The following NCEH1 variants were observed in gnomAD, a reference collection of about 807,000 sequenced individuals.
NCEH1 encodes 2-acetyl MAGE hydrolase.
In NCEH1, 9 loss-of-function variants were observed where a neutral mutation model predicts 25.4. That is an observed-to-expected ratio of 0.35 (90% CI 0.21 to 0.62). The LOEUF (loss-of-function observed/expected upper bound fraction) is 0.62, where lower values mean the gene tolerates loss of function less well. Among genes scored for constraint, NCEH1 ranks in the 20% least tolerant of loss-of-function variants. The probability of loss-of-function intolerance (pLI) is 0.72; values close to 1 mark genes in which losing one functional copy is unlikely to be tolerated. For synonymous variants in NCEH1, 200 were observed against 199.8 expected (o/e 1.00, Z -0.01); for missense variants, 412 against 501.1 (o/e 0.82, Z 1.70).
At chr3:172,669,277 G>GA (rs1718373914) in intron 1 of NCEH1, among the ~76,000 whole-genome samples, 2 of 152,138 alleles carry the variant, frequency 1.3e-5, no homozygotes, top group South Asian at 2.1e-4. Flanking sequence ...GGAAGCAGTG[G>GA]AAAAAAATTA....
rs535839277 is a variant in NCEH1, at chr3:172,674,437, T to C, written c.139-26323A>G. On this transcript the variant is annotated intron_variant, in intron 1 of 4. Transcript: ENST00000475381. ...CAGCCTCGGCGACTGGGAGAGACTC[T>C]GTCTCCAAAAAAAAAAAAAAAAAAA... Among the ~76,000 whole-genome samples, 153 of 131,078 alleles carry C rather than the reference T, an allele frequency of 1.2e-3. 3 individuals are homozygous for C. The South Asian group carries it at 0.036, about 31-fold the overall frequency. The allele number at this position is 131,078 out of a possible 152,430, so 86.0% of individuals were successfully genotyped here. A position where few individuals can be genotyped will look rare whatever the true frequency, so the allele number is the denominator to read the frequency against.
chr3:172,659,998 T>A (rs1652622982), intron 1 of NCEH1, among the ~76,000 whole-genome samples: 1 of 151,938 alleles, frequency 6.6e-6, no homozygotes, highest in Non-Finnish European at 1.5e-5. Context: ...TTTTTTTTTT[T>A]ATACTTTAAG....
At chr3:172,698,911 A>G (rs1190528033) in intron 1 of NCEH1, among the ~76,000 whole-genome samples, 1 of 152,240 alleles carries the variant, frequency 6.6e-6, no homozygotes, top group African/African-American at 2.4e-5. Flanking sequence ...AGAACCATGA[A>G]TTCCTAATTT....
At chr3:172,703,274 CAGCACTTTAGA>C (rs1340097976) in intron 1 of NCEH1, 2 of 152,152 alleles carry the variant, frequency 1.3e-5, no homozygotes, top group East Asian at 3.9e-4. Context: ...CCTGTAATCC[CAGCACTTTAGA>C]AGGCCAAGGC....
chr3:172,708,899 A>T lies in NCEH1; in HGVS notation c.138+1948T>A, dbSNP rs528552034. ...CCTATTTTACAGGGAAAACTCAGGAAGATTTGAGGTGACACTGGAAAATTG... is the reference window on the plus strand; with the variant it reads ...CCTATTTTACAGGGAAAACTCAGGATGATTTGAGGTGACACTGGAAAATTG... On this transcript the variant is annotated intron_variant, in intron 1 of 4. Coordinates refer to ENST00000475381, the MANE Select transcript of NCEH1 (RefSeq NM_020792.6). 2.0e-4 allele frequency among the ~76,000 whole-genome samples: 31 copies of T among 152,312 alleles called. No individual in the cohort carries two copies. In the South Asian group the frequency reaches 6.2e-3, roughly 31 times the overall value.
chr3:172,645,378 A>C (rs1213948280), intron 3 of NCEH1, among the ~76,000 whole-genome samples: 1 of 152,162 alleles, frequency 6.6e-6, no homozygotes, highest in Non-Finnish European at 1.5e-5. Context: ...TTTTTAGTTA[A>C]TCCTTTTTTC....
intron 3 of NCEH1, among the ~76,000 whole-genome samples, chr3:172,642,153 A>T (rs1241022627): frequency 1.3e-5 from 2 of 151,952 alleles, no homozygotes; most frequent in Non-Finnish European, 2.9e-5. Context: ...CCCGCTCTGA[A>T]CTGCTTTTTT....
At chr3:172,695,859 G>C (rs866161118) in intron 1 of NCEH1, among the ~76,000 whole-genome samples, 1 of 151,934 alleles carries the variant, frequency 6.6e-6, no homozygotes, top group African/African-American at 2.4e-5. Flanking sequence ...CAGGAGAATC[G>C]CTTGAACCTA....
chr3:172,663,392 A>G (rs1176000928), intron 1 of NCEH1, among the ~76,000 whole-genome samples: 4 of 152,166 alleles, frequency 2.6e-5, no homozygotes, highest in Non-Finnish European at 2.9e-5. Context: ...CATGTGGTCA[A>G]TTTTGGAATG....
At chr3:172,695,896 A>G (rs962673866) in intron 1 of NCEH1, among the ~76,000 whole-genome samples, 4 of 152,114 alleles carry the variant, frequency 2.6e-5, no homozygotes, top group Admixed American at 1.3e-4. Context: ...ATGAGCTGAG[A>G]TGGCACCACT....
At position 172,633,848 on chromosome 3, in the gene NCEH1, C is replaced by A; in HGVS notation, c.854G>T (p.Arg285Leu). 6.2e-7 allele frequency: 1 copy of A among 1,614,160 alleles called. No individual in the cohort carries two copies. The highest frequency in any genetic ancestry group is 1.3e-5 in the African/African-American group (1 of 75,040). The change falls in exon 5 of 5, where the codon CGT becomes CTT. Residue 285 changes from arginine (R) to leucine (L), a missense_variant. Arg to Leu is a moderately radical substitution (Grantham distance 102, BLOSUM62 -2). Coordinates refer to ENST00000475381, the MANE Select transcript of NCEH1 (RefSeq NM_020792.6). Reference protein sequence around the residue: ...DVEEAAAVRARLNWTSLLPAS... With the variant: ...DVEEAAAVRALLNWTSLLPAS... ...AGGCAAGAGGGATGTCCAGTTTAGA[C>A]GGGCCCTGACAGCAGCAGCCTCTTC...
At chr3:172,693,102 C>T (rs1326321529) in intron 1 of NCEH1, among the ~76,000 whole-genome samples, 1 of 152,186 alleles carries the variant, frequency 6.6e-6, no homozygotes, top group Non-Finnish European at 1.5e-5. Context: ...AAGCCCTCAG[C>T]ATATTTGTTT....
chr3:172,646,984 G>T (rs1031103515), intron 2 of NCEH1, among the ~76,000 whole-genome samples: 7 of 151,834 alleles, frequency 4.6e-5, no homozygotes, highest in African/African-American at 1.7e-4. Context: ...TTGGTCTCGG[G>T]CAAACCTACA....
At chr3:172,648,880 T>TACCC (rs200570943) in intron 1 of NCEH1, among the ~76,000 whole-genome samples, 3,025 of 152,218 alleles carry the variant, frequency 0.02, 95 homozygotes, top group African/African-American at 0.07. Context: ...AGACCTAATT[T>TACCC]ACCCACCAAG....
In NCEH1 at chr3:172,648,050, G is replaced by T; in HGVS notation, c.203C>A (p.Ser68Tyr). 6.2e-7 allele frequency: 1 copy of T among 1,614,102 alleles called. No homozygotes were observed. The highest frequency in any genetic ancestry group is 8.5e-7 in the Non-Finnish European group (1 of 1,180,006). The change falls in exon 2 of 5, where the codon TCT (serine) becomes TAT (tyrosine). Residue 68 changes from serine (S) to tyrosine (Y), a missense_variant. Around this residue, in one of 3 missense-constraint regions of NCEH1, gnomAD observed 178 missense variants for 189.2 expected, o/e 0.94. Coordinates refer to ENST00000475381, the MANE Select transcript of NCEH1 (RefSeq NM_020792.6). ...AGACCACGCGCTTTTTTTGCCAAAAGAAACAATGATAAAATTCAGTGCCAG... is the reference window on the plus strand; with the variant it reads ...AGACCACGCGCTTTTTTTGCCAAAATAAACAATGATAAAATTCAGTGCCAG... ...HLLALNFIIV[S>Y]FGKKSAWSSA...
chr3:172,667,123 G>A (rs1326878541), intron 1 of NCEH1, among the ~76,000 whole-genome samples: 4 of 152,222 alleles, frequency 2.6e-5, no homozygotes, highest in African/African-American at 9.7e-5. Flanking sequence ...TGTGTAAACA[G>A]GAGAGCTCTG....
intron 1 of NCEH1, among the ~76,000 whole-genome samples, chr3:172,709,505 T>C (rs1477589143): frequency 1.3e-5 from 2 of 152,134 alleles, no homozygotes; most frequent in Non-Finnish European, 2.9e-5. Context: ...GTCAACATTA[T>C]AGGAAGCAAG....
At chr3:172,692,536 T>TA (rs1713127306) in intron 1 of NCEH1, among the ~76,000 whole-genome samples, 1 of 151,150 alleles carries the variant, frequency 6.6e-6, no homozygotes, top group Non-Finnish European at 1.5e-5. Context: ...TTTTTTTTTT[T>TA]AATTTTTTTG....
At chr3:172,634,758 G>C (rs969715422) in intron 4 of NCEH1, among the ~76,000 whole-genome samples, 24 of 152,144 alleles carry the variant, frequency 1.6e-4, no homozygotes, top group Middle Eastern at 3.2e-3. Flanking sequence ...ATTCTAGTGT[G>C]CAAAATTATA....
Sources: gnomAD v4.1 joint callset for allele counts (sites outside exome capture counted in the v4.1 genomes callset) on GRCh38, gnomAD v4.1.1 for gene constraint, gnomAD v4.1.1 regional missense constraint, MANE v1.5 for transcripts, NCBI Gene and HGNC (gene_info 2026-07-23, HGNC 2026-07-21) for gene names.